CACNB2: variants seen among roughly 807,000 people sequenced by gnomAD.
The protein encoded by CACNB2 is voltage-dependent L-type calcium channel subunit beta-2.
A neutral mutation model predicts 73.3 loss-of-function variants in CACNB2; 42 were observed. That is an observed-to-expected ratio of 0.57 (90% confidence interval 0.45 to 0.74). The LOEUF (loss-of-function observed/expected upper bound fraction) is 0.74, where lower values mean the gene tolerates loss of function less well. Ranked by LOEUF, CACNB2 falls within the 30% of genes least tolerant of loss-of-function variation. CACNB2 has a pLI of 0.00. For missense variants in CACNB2, 940 were observed against 853.0 expected (o/e 1.10, Z -1.27); for synonymous variants, 348 against 310.3 (o/e 1.12, Z -1.28).
At chr10:18,415,251 G>C (rs975430659) in intron 3 of CACNB2, among the ~76,000 whole-genome samples, 2 of 152,062 alleles carry the variant, frequency 1.3e-5, no homozygotes, top group Non-Finnish European at 2.9e-5. Flanking sequence ...AAAAGCTTTA[G>C]GCCAGGAGTT....
At chr10:18,198,137 A>C (rs1228406730) in intron 2 of CACNB2, among the ~76,000 whole-genome samples, 3 of 147,022 alleles carry the variant, frequency 2.0e-5, no homozygotes, top group African/African-American at 7.6e-5. Context: ...ATATATTAAT[A>C]TATATTACAT....
chr10:18,505,701 C>T (rs1462703581), intron 5 of CACNB2, among the ~76,000 whole-genome samples: 2 of 152,082 alleles, frequency 1.3e-5, no homozygotes, highest in Non-Finnish European at 2.9e-5. Flanking sequence ...TTCGGTAACA[C>T]GTTATTTAGC....
At chr10:18,453,022 C>T (rs1381889818) in intron 3 of CACNB2, among the ~76,000 whole-genome samples, 1 of 152,192 alleles carries the variant, frequency 6.6e-6, no homozygotes, top group African/African-American at 2.4e-5. Flanking sequence ...AAAGCATCCT[C>T]GATTCCTCTC....
chr10:18,288,449 C>T lies in CACNB2; in HGVS notation c.214-113475C>T, dbSNP rs999704097. The stretch of plus-strand genomic sequence containing the variant: ...GTACAAATAAGTAATCTCTTGCATT[C>T]CTATTTTAGTCAAAAGATCAGGCTC... On this transcript the variant is annotated intron_variant, in intron 2 of 13. Transcript: ENST00000324631. Among the ~76,000 whole-genome samples, 52 of 152,192 alleles carry T rather than the reference C, an allele frequency of 3.4e-4. 1 individual carries two copies. The highest frequency in any genetic ancestry group is 1.2e-3 in the African/African-American group (50 of 41,520).
chr10:18,506,355 GA>G, intron 5 of CACNB2, 115 bp from the exon 6 acceptor site: 1 of 710,480 alleles, frequency 1.4e-6, no homozygotes, highest in Non-Finnish European at 2.6e-6. Context: ...CTCCTTAAAT[GA>G]AAGATAAATT....
intron 2 of CACNB2, among the ~76,000 whole-genome samples, chr10:18,197,679 A>G (rs577983818): frequency 6.6e-6 from 1 of 152,284 alleles, no homozygotes; most frequent in South Asian, 2.1e-4. Context: ...ACCAATTCCC[A>G]TAGTCAGAGC....
At chr10:18,409,782 G>C (rs1190633181) in intron 3 of CACNB2, among the ~76,000 whole-genome samples, 1 of 152,150 alleles carries the variant, frequency 6.6e-6, no homozygotes, top group Non-Finnish European at 1.5e-5. Flanking sequence ...CCAGTCTCCT[G>C]TCTTGCTCTA....
chr10:18,538,757 T>C (rs1244231116), intron 13 of CACNB2, among the ~76,000 whole-genome samples: 1 of 152,168 alleles, frequency 6.6e-6, no homozygotes, highest in Non-Finnish European at 1.5e-5. Flanking sequence ...GATGATCTTA[T>C]AGGGCTGTTG....
intron 3 of CACNB2, among the ~76,000 whole-genome samples, chr10:18,449,715 C>G (rs1049566427): frequency 1.3e-5 from 2 of 152,236 alleles, no homozygotes; most frequent in East Asian, 1.9e-4. Context: ...GACAGAATCT[C>G]TCTCTGACTG....
chr10:18,153,934 A>G (rs1216212739), intron 2 of CACNB2, among the ~76,000 whole-genome samples: 1 of 150,220 alleles, frequency 6.7e-6, no homozygotes, highest in Admixed American at 6.7e-5. Flanking sequence ...GTTGTTTTTT[A>G]AAGTAAGTGT....
At chr10:18,211,752 G>C (rs968691342) in intron 2 of CACNB2, among the ~76,000 whole-genome samples, 4 of 152,148 alleles carry the variant, frequency 2.6e-5, no homozygotes, top group Non-Finnish European at 5.9e-5. Context: ...TATCAGTAAT[G>C]TTACACATGG....
chr10:18,167,597 A>C (rs12572404), intron 2 of CACNB2, among the ~76,000 whole-genome samples: 13,070 of 152,198 alleles, frequency 0.086, 808 homozygotes, highest in East Asian at 0.22. Context: ...ATCGACTGTG[A>C]AAAATTGTCT....
chr10:18,164,043 A>G (rs558439258), intron 2 of CACNB2, among the ~76,000 whole-genome samples: 1 of 152,246 alleles, frequency 6.6e-6, no homozygotes, highest in South Asian at 2.1e-4. Context: ...CAGAGTTGGG[A>G]GGTAGAGGTT....
At chr10:18,300,584 C>A (rs1271299108) in intron 2 of CACNB2, among the ~76,000 whole-genome samples, 1 of 152,180 alleles carries the variant, frequency 6.6e-6, no homozygotes, top group Non-Finnish European at 1.5e-5. Context: ...TTTGTTATGC[C>A]TTTTGGCAAT....
intron 3 of CACNB2, among the ~76,000 whole-genome samples, chr10:18,449,429 C>G (rs2046908737): frequency 6.6e-6 from 1 of 152,098 alleles, no homozygotes; most frequent in African/African-American, 2.4e-5. Flanking sequence ...AAACAGAGAA[C>G]TCCAGTTCTA....
chr10:18,196,996 C>T (rs576264183), intron 2 of CACNB2, among the ~76,000 whole-genome samples: 23 of 152,088 alleles, frequency 1.5e-4, no homozygotes, highest in East Asian at 1.9e-4. Flanking sequence ...CTCCCCTCTC[C>T]TCCCCCTCTT....
rs111875083 is a variant in CACNB2 at position 18,176,260 on chromosome 10, A to G, written c.213+25285A>G. Among the ~76,000 whole-genome samples the G allele has an allele frequency of 2.0e-3, 299 of 152,222 alleles. 2 individuals are homozygous for G. The highest frequency in any genetic ancestry group is 6.7e-3 in the African/African-American group (278 of 41,536). ...GTAACCCACCAATATAAAATAGAAG[A>G]CACTGATGATGGTGAACAGTATTAT... On this transcript the variant is annotated intron_variant, in intron 2 of 13. Coordinates refer to ENST00000324631, the MANE Select transcript of CACNB2 (RefSeq NM_201596.3).
intron 3 of CACNB2, among the ~76,000 whole-genome samples, chr10:18,437,646 T>A (rs79658375): frequency 6.6e-6 from 1 of 152,306 alleles, no homozygotes; most frequent in Non-Finnish European, 1.5e-5. Flanking sequence ...TAGTTGTCTG[T>A]ATTCTGAGGA....
chr10:18,405,825 G>T (rs967438994), intron 3 of CACNB2, among the ~76,000 whole-genome samples: 2 of 152,190 alleles, frequency 1.3e-5, no homozygotes, highest in African/African-American at 4.8e-5. Flanking sequence ...GGGTTTGGTG[G>T]TGTATGCCTG....
Sources: gnomAD v4.1 joint callset for allele counts (sites outside exome capture counted in the v4.1 genomes callset) on GRCh38, gnomAD v4.1.1 for gene constraint, MANE v1.5 for transcripts, NCBI Gene and HGNC (gene_info 2026-07-23, HGNC 2026-07-21) for gene names.